Variants in C7 observed in about 807,000 individuals in gnomAD.
C7 encodes complement component C7.
Under a neutral mutation model 104.8 loss-of-function variants are expected in C7, and 83 were observed. The ratio of observed to expected loss-of-function variants is 0.79; its 90% CI spans 0.66 to 0.95. The LOEUF (loss-of-function observed/expected upper bound fraction) is 0.95, where lower values mean the gene tolerates loss of function less well. Among genes scored for constraint, C7 ranks in the 40% least tolerant of loss-of-function variants. C7 has a pLI of 0.00. For missense variants in C7, 1,070 were observed against 1,011.2 expected, an observed-to-expected ratio of 1.06 and a Z score of -0.79; for synonymous variants, 415 against 360.6, an observed-to-expected ratio of 1.15 and a Z score of -1.71.
intron 2 of C7, among the ~76,000 whole-genome samples, chr5:40,930,427 A>G (rs1344058225): frequency 6.6e-6 from 1 of 151,738 alleles, no homozygotes; most frequent in Non-Finnish European, 1.5e-5. Flanking sequence ...GTTGGTCTCA[A>G]ACTCCTGATC....
chr5:40,980,582 A>T (rs1292673361), intron 17 of C7, among the ~76,000 whole-genome samples: 1 of 152,118 alleles, frequency 6.6e-6, no homozygotes, highest in African/African-American at 2.4e-5. Context: ...AGCACAGCAA[A>T]CCTCCCATGA....
intron 6 of C7, among the ~76,000 whole-genome samples, chr5:40,941,974 G>A (rs555770468): frequency 6.6e-6 from 1 of 152,160 alleles, no homozygotes; most frequent in South Asian, 2.1e-4. Context: ...GTCTTAGAAG[G>A]AACAGCCAGA....
At position 40,949,145 on chromosome 5, in the gene C7, A is replaced by G. The variant is rs867006042; in HGVS notation, c.983-759A>G. On this transcript the variant is annotated intron_variant, in intron 8 of 17. Transcript: ENST00000313164. Reference sequence around the variant, plus strand: ...GATTAAAAAAACATTCCAAGCTGGTAAAATTAAATTTTTCAGTAAAAATTT... The same window carrying G: ...GATTAAAAAAACATTCCAAGCTGGTGAAATTAAATTTTTCAGTAAAAATTT... Among the ~76,000 whole-genome samples, 18 of 152,232 alleles carry G rather than the reference A, an allele frequency of 1.2e-4. No homozygotes were observed. In the South Asian group the frequency reaches 3.7e-3, roughly 32 times the overall value.
In C7 at chr5:40,983,328, C is replaced by T. The variant is rs1740990741; in HGVS notation, c.*1755C>T. ...GCTTAAGCTAGTATGGAGTTAGATT[C>T]CTACCGCTTATGTATCACCATGCCC... On this transcript the variant is annotated 3_prime_UTR_variant, in exon 18 of 18. Transcript: ENST00000313164. Among the ~76,000 whole-genome samples the T allele has an allele frequency of 6.6e-6, 1 of 152,188 alleles. No homozygotes were observed. The highest frequency in any genetic ancestry group is 2.4e-5 in the African/African-American group (1 of 41,436).
chr5:40,913,999 A>T (rs1739264952), intron 1 of C7, among the ~76,000 whole-genome samples: 1 of 151,846 alleles, frequency 6.6e-6, no homozygotes, highest in Admixed American at 6.6e-5. Context: ...ATTTTTTAAG[A>T]ATTATTTTTT....
Position 40,949,836 on chromosome 5 carries a change from C to G in C7, c.983-68C>G, listed in dbSNP as rs542820559. 39 of 954,614 alleles carry G rather than the reference C, an allele frequency of 4.1e-5. No individual in the cohort carries two copies. In the African/African-American group the frequency reaches 4.7e-4, roughly 12 times the overall value. The allele number at this position is 954,614 out of a possible 1,614,324, so 59.1% of individuals were successfully genotyped here. A position where few individuals can be genotyped will look rare whatever the true frequency, so the allele number is the denominator to read the frequency against. On this transcript the variant is annotated intron_variant, in intron 8 of 17. Coordinates refer to ENST00000313164, the MANE Select transcript of C7 (RefSeq NM_000587.4). ...AGCAGCAAACAACCTCTTATCCCTACTCTCATATCTGAAGATCTTCAAGGA... is the reference window on the plus strand; with the variant it reads ...AGCAGCAAACAACCTCTTATCCCTAGTCTCATATCTGAAGATCTTCAAGGA...
chr5:40,949,836 C>T (rs542820559), intron 8 of C7, 68 bp from the exon 9 acceptor site: 2 of 954,496 alleles, frequency 2.1e-6, no homozygotes, highest in Admixed American at 4.0e-5. Context: ...CTTATCCCTA[C>T]TCTCATATCT....
rs1739812241 is a variant in C7, at chr5:40,936,267, CT to C, written c.281-66del. 8 of 1,472,962 alleles carry C rather than the reference CT, an allele frequency of 5.4e-6. No homozygotes were observed. The African/African-American group carries it at 9.7e-5, about 18-fold the overall frequency. 91.2% of individuals were successfully genotyped at this position (1,472,962 alleles called of 1,614,324 possible). On this transcript the variant is annotated intron_variant, in intron 4 of 17. Transcript: ENST00000313164. ...CAGTGTTACAGGTAGCAGGAAAACC[CT>C]TTTTGGTCCTGGGTAGTGTTTCTCC...
chr5:40,961,461 T>C (rs1030103160), intron 12 of C7, among the ~76,000 whole-genome samples: 1 of 152,004 alleles, frequency 6.6e-6, no homozygotes, highest in Admixed American at 6.6e-5. Flanking sequence ...CTCAGCTCAC[T>C]GCAATCTCCG....
At chr5:40,955,577 A>G in intron 10 of C7, 24 bp downstream of exon 10, 1 of 1,594,692 alleles carries the variant, frequency 6.3e-7, no homozygotes, top group Non-Finnish European at 8.6e-7. Context: ...TGTTTAAAGC[A>G]ATAGGAAGCA....
chr5:40,976,709 G>A, intron 15 of C7, 41 bp from the exon 16 acceptor site: 3 of 1,423,216 alleles, frequency 2.1e-6, no homozygotes, highest in Non-Finnish European at 2.9e-6. Context: ...CTATGAAGAG[G>A]CTTTTCTCCT....
At chr5:40,966,805 C>T (rs1740565291) in intron 14 of C7, among the ~76,000 whole-genome samples, 1 of 151,960 alleles carries the variant, frequency 6.6e-6, no homozygotes, top group African/African-American at 2.4e-5. Flanking sequence ...TATATATATA[C>T]CACAGTTTCT....
intron 1 of C7, among the ~76,000 whole-genome samples, chr5:40,910,818 A>T (rs1361025522): frequency 6.6e-6 from 1 of 150,946 alleles, no homozygotes; most frequent in Non-Finnish European, 1.5e-5. Context: ...AAAAAAAAAC[A>T]AGAAAAGAAA....
At chr5:40,916,229 C>G (rs1739313390) in intron 1 of C7, among the ~76,000 whole-genome samples, 1 of 152,156 alleles carries the variant, frequency 6.6e-6, no homozygotes, top group African/African-American at 2.4e-5. Flanking sequence ...ATTTTTCAAA[C>G]AAAATGTAAT....
Position 40,972,559 on chromosome 5 carries a change from G to A in C7, c.2039G>A (p.Ser680Asn), listed in dbSNP as rs768034098. The change falls in exon 15 of 18, where the codon AGT (serine) becomes AAT (asparagine). Residue 680 changes from serine to asparagine, a missense_variant. Transcript: ENST00000313164. Reference protein sequence around the residue: ...AFLCGSSLKWSPEMKNARCVQ... With the variant: ...AFLCGSSLKWNPEMKNARCVQ... The stretch of plus-strand genomic sequence containing the variant: ...CTCTGTGGCTCCAGCCTTAAGTGGA[G>A]TCCTGAGATGAAGAATGCCCGCTGT... The A allele has an allele frequency of 2.5e-6, 4 of 1,611,222 alleles. No individual in the cohort carries two copies. Among genetic ancestry groups the A allele is most frequent in the South Asian group, 1.1e-5 (1 of 90,588 alleles).
At position 40,947,738 on chromosome 5, in the gene C7, A is replaced by C; in HGVS notation, c.875A>C (p.Tyr292Ser). Residue 292 changes from tyrosine (Y) to serine (S), a missense_variant, in exon 8 of 18, where the codon TAC (tyrosine) becomes TCC (serine). By Grantham distance (144) the Tyr-to-Ser change is moderately radical (BLOSUM62 -2). Coordinates refer to ENST00000313164, the MANE Select transcript of C7 (RefSeq NM_000587.4). ...CCCTCTCTGTATGACTACAGTGCCT[A>C]CCGAAGATTAATCGACCAGTACGGG... ...HLPSLYDYSA[Y>S]RRLIDQYGTH... is the part of the protein sequence containing the mutation. 6 of 1,613,794 alleles carry C rather than the reference A, an allele frequency of 3.7e-6. No homozygotes were observed. Among genetic ancestry groups the C allele is most frequent in the Non-Finnish European group, 5.1e-6 (6 of 1,179,764 alleles).
chr5:40,945,029 A>G (rs1472128007), intron 6 of C7, among the ~76,000 whole-genome samples, 169 bp from the exon 7 acceptor site: 2 of 152,204 alleles, frequency 1.3e-5, no homozygotes, highest in Non-Finnish European at 2.9e-5. Context: ...AAATAATCGT[A>G]GAATGAACTC....
chr5:40,911,846 C>A (rs1207322672), intron 1 of C7, among the ~76,000 whole-genome samples: 1 of 150,762 alleles, frequency 6.6e-6, no homozygotes, highest in East Asian at 2.0e-4. Flanking sequence ...TCAAGCGATT[C>A]TTCTGCCTCA....
At chr5:40,946,901 T>C (rs1740060531) in intron 7 of C7, among the ~76,000 whole-genome samples, 1 of 151,578 alleles carries the variant, frequency 6.6e-6, no homozygotes, top group African/African-American at 2.4e-5. Context: ...CTACTAAAAA[T>C]ACAAAAATTA....
Sources: allele counts gnomAD v4.1 joint callset (sites outside exome capture counted in the v4.1 genomes callset), GRCh38; gene constraint gnomAD v4.1.1; transcripts MANE v1.5; gene names NCBI Gene and HGNC (gene_info 2026-07-23, HGNC 2026-07-21).